Variants in COL4A6 observed in about 807,000 individuals in gnomAD.
COL4A6 encodes the protein collagen alpha-6(IV) chain.
COL4A6 carries 59 observed loss-of-function variants against 126.7 expected under a neutral mutation model. The observed-to-expected ratio is 0.47, with a 90% CI of 0.38 to 0.58. COL4A6 has a LOEUF of 0.58. Ranked by LOEUF, COL4A6 falls within the 20% of genes least tolerant of loss-of-function variation. The pLI is 0.00. For synonymous variants in COL4A6, 547 were observed against 496.6 expected (o/e 1.10, Z -1.35); for missense variants, 1,285 against 1,337.3 (o/e 0.96, Z 0.61).
At chrX:108,278,524 C>T (rs1298011376) in intron 3 of COL4A6, among the ~76,000 whole-genome samples, 1 of 110,835 alleles carries the variant, frequency 9.0e-6, no homozygotes, top group Non-Finnish European at 1.9e-5. Flanking sequence ...GATTGGTGTA[C>T]CTGAAAGTGA....
In COL4A6 at chrX:108,157,006, G is replaced by T. The variant is rs774969830; in HGVS notation, c.5067C>A (p.Ser1689Arg). ...CAGAGTGGCAGGTGCCACCCTACAG[G>T]CTTTTCATACACACCTGGCAGCGAC... Reference protein sequence around the residue: ...RVSRCQVCMKSL With the variant: ...RVSRCQVCMKRL Residue 1689 changes from serine (S) to arginine (R), a missense_variant, in exon 45 of 45, where the codon AGC (serine) becomes AGA (arginine). Coordinates refer to ENST00000334504, the MANE Select transcript of COL4A6 (RefSeq NM_033641.4). The T allele has an allele frequency of 8.3e-7, 1 of 1,208,649 alleles. No individual in the cohort carries two copies. The highest frequency in any genetic ancestry group is 1.8e-5 in the South Asian group (1 of 56,231).
At chrX:108,196,624 T>C in intron 13 of COL4A6, 45 bp from the exon 14 acceptor site, 1 of 1,070,171 alleles carries the variant, frequency 9.3e-7, no homozygotes, top group South Asian at 2.0e-5. Context: ...TGTTTTCTTG[T>C]CGGTCTCCTG....
At chrX:108,397,215 G>A (rs2040984806) in intron 2 of COL4A6, among the ~76,000 whole-genome samples, 1 of 111,263 alleles carries the variant, frequency 9.0e-6, no homozygotes, top group African/African-American at 3.3e-5. Context: ...TGTAAATGCA[G>A]TTTCAGGACA....
intron 6 of COL4A6, 94 bp from the exon 7 acceptor site, chrX:108,211,834 G>A: frequency 1.1e-6 from 1 of 872,365 alleles, no homozygotes; most frequent in Admixed American, 2.5e-5. Context: ...GACAGCAAGA[G>A]CCTGAAACCA....
chrX:108,160,607 G>A lies in COL4A6; in HGVS notation c.4381C>T (p.Gln1461Ter). ...GPFGMPGMPG[Q>*]SMRVGYTLVK... ...AACGTGTAGCCCACTCTCATGCTCTGGCCAGGCATTCCAGGCATCCCGAAG... is the reference window on the plus strand; with the variant it reads ...AACGTGTAGCCCACTCTCATGCTCTAGCCAGGCATTCCAGGCATCCCGAAG... Residue 1461 changes from glutamine (Q) to a stop codon, truncating the protein, a stop_gained, in exon 43 of 45, where the codon CAG becomes TAG. Transcript: ENST00000334504. LOFTEE classifies it high-confidence loss of function. 1 of 1,210,802 alleles carries A rather than the reference G, an allele frequency of 8.3e-7. No homozygotes were observed. The highest frequency in any genetic ancestry group is 3.0e-5 in the East Asian group (1 of 33,803).
intron 2 of COL4A6, among the ~76,000 whole-genome samples, chrX:108,372,726 G>A (rs1320956701): frequency 2.7e-5 from 3 of 111,991 alleles, no homozygotes; most frequent in Non-Finnish European, 5.6e-5. Flanking sequence ...AACAGTCCAG[G>A]CAAACGAGGG....
At chrX:108,437,840 C>A (rs901375783) in intron 2 of COL4A6, 102 bp downstream of exon 2, 3 of 914,523 alleles carry the variant, frequency 3.3e-6, no homozygotes, top group Non-Finnish European at 4.7e-6. Context: ...GACTCCGTCT[C>A]GTGGTGAAAC....
At chrX:108,347,371 G>T (rs951012140) in intron 2 of COL4A6, among the ~76,000 whole-genome samples, 3 of 112,382 alleles carry the variant, frequency 2.7e-5, no homozygotes, top group Admixed American at 1.9e-4. Context: ...TTAATAAAAT[G>T]GCATTGAATA....
In COL4A6 at chrX:108,169,466, A is replaced by C. The variant is rs770912961; in HGVS notation, c.3691+29T>G. ...TGACTCTCCCAGCAAGGCCTCACTC[A>C]GCCTCTACAAGGCCTGACTTGGACT... On this transcript the variant is annotated intron_variant, in intron 37 of 44. Transcript: ENST00000334504. 9.1e-6 allele frequency: 11 copies of C among 1,207,057 alleles called. No individual in the cohort carries two copies. In the Admixed American group the frequency reaches 2.2e-4, roughly 24 times the overall value.
At position 108,372,466 on chromosome X, in the gene COL4A6, A is replaced by C. The variant is rs1346677914; in HGVS notation, c.64-61638T>G. Among the ~76,000 whole-genome samples, 3 of 111,931 alleles carry C rather than the reference A, an allele frequency of 2.7e-5. No individual in the cohort carries two copies. In the East Asian group the frequency reaches 8.4e-4, roughly 31 times the overall value. ...AAATCAAAGGCACTTGGAAAATAAG[A>C]ATGCAGTCCAACTCTCCACATCTAG... On this transcript the variant is annotated intron_variant, in intron 2 of 44. Transcript: ENST00000334504.
chrX:108,317,245 A>G (rs536638846), intron 2 of COL4A6, among the ~76,000 whole-genome samples: 1 of 112,427 alleles, frequency 8.9e-6, no homozygotes, highest in South Asian at 3.7e-4. Flanking sequence ...AATGACTCCA[A>G]AGTTTCTGTA....
intron 20 of COL4A6, 81 bp from the exon 21 acceptor site, chrX:108,188,758 C>A: frequency 1.1e-6 from 1 of 930,029 alleles, no homozygotes; most frequent in Non-Finnish European, 1.4e-6. Context: ...TTATTTGTGA[C>A]TTGAACAACT....
At chrX:108,416,602 A>C (rs1412665282) in intron 2 of COL4A6, among the ~76,000 whole-genome samples, 1 of 112,056 alleles carries the variant, frequency 8.9e-6, no homozygotes, top group Non-Finnish European at 1.9e-5. Flanking sequence ...ATTGGTAGGA[A>C]AATATTTGGG....
intron 2 of COL4A6, among the ~76,000 whole-genome samples, chrX:108,374,798 G>C (rs1410128742): frequency 8.9e-6 from 1 of 111,979 alleles, no homozygotes; most frequent in Non-Finnish European, 1.9e-5. Flanking sequence ...CTTGCTTTAA[G>C]GGTGTGGGAG....
chrX:108,212,558 T>A (rs137926409), intron 6 of COL4A6, among the ~76,000 whole-genome samples: 1,387 of 112,017 alleles, frequency 0.012, 6 homozygotes, highest in Middle Eastern at 0.032. Flanking sequence ...CTAAGCTTTG[T>A]GGACTGAAGC....
At chrX:108,185,994 G>A (rs980153922) in intron 23 of COL4A6, among the ~76,000 whole-genome samples, 1 of 111,904 alleles carries the variant, frequency 8.9e-6, no homozygotes, top group Non-Finnish European at 1.9e-5. Context: ...TGGGTATAGT[G>A]AAGAAGACTG....
intron 23 of COL4A6, 48 bp downstream of exon 23, chrX:108,187,048 C>T (rs936245865): frequency 1.9e-6 from 2 of 1,050,275 alleles, no homozygotes; most frequent in African/African-American, 3.8e-5. Flanking sequence ...AACCACTCTA[C>T]AAGGGGTCAA....
chrX:108,293,072 G>T (rs2038216077), intron 3 of COL4A6, among the ~76,000 whole-genome samples: 1 of 97,148 alleles, frequency 1.0e-5, no homozygotes, highest in African/African-American at 3.9e-5. Context: ...CAGCTTTATT[G>T]CCGGGACCAT....
intron 2 of COL4A6, among the ~76,000 whole-genome samples, chrX:108,395,805 G>A (rs60027425): frequency 9.8e-4 from 110 of 111,754 alleles, no homozygotes; most frequent in Middle Eastern, 9.2e-3. Context: ...TTCCCAAAGG[G>A]CTTCATAATA....
Sources: gnomAD v4.1 joint callset for allele counts (sites outside exome capture counted in the v4.1 genomes callset) on GRCh38, gnomAD v4.1.1 for gene constraint, MANE v1.5 for transcripts, NCBI Gene and HGNC (gene_info 2026-07-23, HGNC 2026-07-21) for gene names.